The following ASTN2 variants were observed in gnomAD, a reference collection of about 807,000 sequenced individuals.
ASTN2 encodes the protein astrotactin 2.
In ASTN2, 54 loss-of-function variants were observed where a neutral mutation model predicts 139.8. That is an observed-to-expected ratio of 0.39 (90% confidence interval 0.31 to 0.48). ASTN2 has a LOEUF of 0.48. Ranked by LOEUF, ASTN2 falls within the 20% of genes least tolerant of loss-of-function variation. The probability of loss-of-function intolerance (pLI) is 0.95; values close to 1 mark genes in which losing one functional copy is unlikely to be tolerated. For synonymous variants in ASTN2, 756 were observed against 719.5 expected, an observed-to-expected ratio of 1.05 and a Z score of -0.81; for missense variants, 1,565 against 1,725.1, an observed-to-expected ratio of 0.91 and a Z score of 1.64.
chr9:116,887,479 C>T (rs1054141671), intron 10 of ASTN2, among the ~76,000 whole-genome samples: 2 of 151,590 alleles, frequency 1.3e-5, no homozygotes, highest in Admixed American at 6.6e-5. Flanking sequence ...GCAGAGAGAG[C>T]AGCAGGTGCA....
chr9:117,161,858 C>A (rs986893967), intron 3 of ASTN2, among the ~76,000 whole-genome samples: 5 of 105,476 alleles, frequency 4.7e-5, no homozygotes, highest in Non-Finnish European at 8.9e-5. Flanking sequence ...ACACATTTTT[C>A]TTTTTCTTTT....
intron 5 of ASTN2, among the ~76,000 whole-genome samples, chr9:117,082,197 C>T (rs1431415790): frequency 1.3e-5 from 2 of 152,158 alleles, no homozygotes; most frequent in Non-Finnish European, 2.9e-5. Context: ...ACCTCAAAGG[C>T]AGCAGCTCCA....
chr9:117,064,366 C>A (rs1214256585), intron 5 of ASTN2, among the ~76,000 whole-genome samples: 6 of 152,054 alleles, frequency 3.9e-5, no homozygotes, highest in Non-Finnish European at 8.8e-5. Context: ...AATATCAACA[C>A]TGGAAAAATG....
At chr9:116,531,736 G>A (rs1407722965) in intron 19 of ASTN2, among the ~76,000 whole-genome samples, 8 of 152,106 alleles carry the variant, frequency 5.3e-5, no homozygotes, top group African/African-American at 1.9e-4. Flanking sequence ...TGGTGTATAT[G>A]TGCCACATTT....
chr9:116,924,225 A>G (rs1334905364), intron 10 of ASTN2, among the ~76,000 whole-genome samples: 1 of 151,706 alleles, frequency 6.6e-6, no homozygotes, highest in Non-Finnish European at 1.5e-5. Context: ...CCTGGCCAAC[A>G]TGGTGAAATC....
intron 3 of ASTN2, among the ~76,000 whole-genome samples, chr9:117,162,379 G>A (rs1434841104): frequency 6.6e-6 from 1 of 152,028 alleles, no homozygotes; most frequent in Non-Finnish European, 1.5e-5. Flanking sequence ...CCAGGGAAAT[G>A]TATGGAATGA....
Position 117,375,251 on chromosome 9 carries a change from T to G in ASTN2, c.442+39246A>C, listed in dbSNP as rs541880080. ...TTTGCATGGTATATTCATTTAACCT[T>G]GCCTGAATTTGTGTTTGGAAGGTCA... is the stretch of plus-strand genomic sequence containing the variant. On this transcript the variant is annotated intron_variant, in intron 1 of 22. Transcript: ENST00000313400. Among the ~76,000 whole-genome samples, 52 of 152,324 alleles carry G rather than the reference T, an allele frequency of 3.4e-4. 1 individual carries two copies. The highest frequency in any genetic ancestry group is 1.2e-3 in the African/African-American group (48 of 41,588).
At chr9:117,344,195 C>A (rs1008475667) in intron 1 of ASTN2, among the ~76,000 whole-genome samples, 12 of 148,730 alleles carry the variant, frequency 8.1e-5, no homozygotes, top group Admixed American at 6.7e-4. Context: ...GAAAAAAAAA[C>A]CCATCCCCAA....
chr9:116,477,162 C>T (rs1212886477), intron 20 of ASTN2, among the ~76,000 whole-genome samples: 1 of 152,104 alleles, frequency 6.6e-6, no homozygotes, highest in Non-Finnish European at 1.5e-5. Context: ...GCTTGAGAGT[C>T]CCCAGCAGGT....
At chr9:117,342,878 T>TA (rs1829103782) in intron 1 of ASTN2, among the ~76,000 whole-genome samples, 1 of 152,216 alleles carries the variant, frequency 6.6e-6, no homozygotes, top group African/African-American at 2.4e-5. Flanking sequence ...TACTGTGGCA[T>TA]ACTTTGAGTC....
At chr9:117,258,928 G>C (rs1374639007) in intron 2 of ASTN2, among the ~76,000 whole-genome samples, 1 of 152,146 alleles carries the variant, frequency 6.6e-6, no homozygotes, top group Non-Finnish European at 1.5e-5. Flanking sequence ...GCCTAGAGTA[G>C]ATATACAAAG....
At chr9:116,550,461 T>A (rs566079681) in intron 19 of ASTN2, among the ~76,000 whole-genome samples, 1 of 152,278 alleles carries the variant, frequency 6.6e-6, no homozygotes, top group African/African-American at 2.4e-5. Context: ...GGATTCCCTA[T>A]GGGATCCTGT....
rs545511448 is a variant in ASTN2, at chr9:116,703,649, C to T, written c.2806+22122G>A. On this transcript the variant is annotated intron_variant, in intron 16 of 22. Coordinates refer to ENST00000313400, the MANE Select transcript of ASTN2 (RefSeq NM_001365068.1). ...CTAGATGACGAGTTAGTGGGTGCAG[C>T]GCACCAGCATGGCACATGTATACGT... Among the ~76,000 whole-genome samples, 5 of 151,268 alleles carry T rather than the reference C, an allele frequency of 3.3e-5. No individual in the cohort carries two copies. The East Asian group carries it at 5.9e-4, about 18-fold the overall frequency.
chr9:117,292,106 C>T (rs529080219), intron 1 of ASTN2, among the ~76,000 whole-genome samples: 2 of 152,166 alleles, frequency 1.3e-5, no homozygotes, highest in Non-Finnish European at 2.9e-5. Flanking sequence ...ATACTGCACT[C>T]CCAAGCAAGG....
At chr9:116,767,773 C>T (rs780207181) in intron 13 of ASTN2, among the ~76,000 whole-genome samples, 1 of 152,106 alleles carries the variant, frequency 6.6e-6, no homozygotes, top group Non-Finnish European at 1.5e-5. Context: ...TTGCTGAGAG[C>T]CCTCTTAACA....
intron 5 of ASTN2, among the ~76,000 whole-genome samples, chr9:117,071,193 T>A (rs890783293): frequency 6.6e-6 from 1 of 151,698 alleles, no homozygotes; most frequent in Admixed American, 6.6e-5. Context: ...GTTTTTGGTG[T>A]GGATGTCCTT....
intron 11 of ASTN2, among the ~76,000 whole-genome samples, chr9:116,862,244 G>A (rs1192773456): frequency 6.6e-6 from 1 of 152,142 alleles, no homozygotes; most frequent in African/African-American, 2.4e-5. Context: ...AGAGAGCCTA[G>A]TCCAGAGCAG....
rs751351024 is a variant in ASTN2 at position 117,039,837 on chromosome 9, C to G, written c.1405G>C (p.Glu469Gln). The G allele has an allele frequency of 2.5e-6, 4 of 1,613,320 alleles. No individual in the cohort carries two copies. In the Admixed American group the frequency reaches 5.0e-5, roughly 20 times the overall value. The change falls in exon 6 of 23, where the codon GAG becomes CAG. Residue 469 changes from glutamate (E) to glutamine (Q), a missense_variant. Coordinates refer to ENST00000313400, the MANE Select transcript of ASTN2 (RefSeq NM_001365068.1). ...CTCTTACCATCTGCTATGAAGTGCTCGGGCACATGCAGAGTCACCTTCACA... is the reference window on the plus strand; with the variant it reads ...CTCTTACCATCTGCTATGAAGTGCTGGGGCACATGCAGAGTCACCTTCACA... ...LTVKVTLHVPEHFIADGSSFV... is the reference protein window; with the variant it reads ...LTVKVTLHVPQHFIADGSSFV...
At chr9:116,839,170 G>T (rs1401529206) in intron 11 of ASTN2, among the ~76,000 whole-genome samples, 2 of 151,992 alleles carry the variant, frequency 1.3e-5, no homozygotes, top group East Asian at 1.9e-4. Context: ...TACAGACAAG[G>T]TCTTACTCTG....
Sources: allele counts gnomAD v4.1 joint callset (sites outside exome capture counted in the v4.1 genomes callset), GRCh38; gene constraint gnomAD v4.1.1; transcripts MANE v1.5; gene names NCBI Gene and HGNC (gene_info 2026-07-23, HGNC 2026-07-21).